NTRK3: variants seen among roughly 807,000 people sequenced by gnomAD.
NTRK3 encodes neurotrophic receptor tyrosine kinase 3.
A neutral mutation model predicts 91.7 loss-of-function variants in NTRK3; 24 were observed. The ratio of observed to expected loss-of-function variants is 0.26; its 90% CI spans 0.19 to 0.37. The LOEUF is 0.37. Ranked by LOEUF, NTRK3 falls within the 10% of genes least tolerant of loss-of-function variation. NTRK3 has a pLI of 1.00. For synonymous variants in NTRK3, 483 were observed against 404.0 expected (o/e 1.20, Z -2.34); for missense variants, 880 against 1,068.9 (o/e 0.82, Z 2.46).
chr15:87,877,611 G>T (rs1270463208), intron 18 of NTRK3, among the ~76,000 whole-genome samples: 1 of 151,724 alleles, frequency 6.6e-6, no homozygotes, highest in African/African-American at 2.4e-5. Context: ...CAGGCTCCCA[G>T]TTGCAGACTC....
At chr15:87,900,027 C>A (rs575655743) in intron 17 of NTRK3, among the ~76,000 whole-genome samples, 5 of 152,136 alleles carry the variant, frequency 3.3e-5, no homozygotes, top group Non-Finnish European at 5.9e-5. Context: ...AGGATGCTTG[C>A]TGCTGAGAGG....
At chr15:88,181,006 G>A (rs533117719) in intron 5 of NTRK3, among the ~76,000 whole-genome samples, 37 of 152,274 alleles carry the variant, frequency 2.4e-4, no homozygotes, top group Middle Eastern at 6.8e-3. Context: ...GCTCCTCTGG[G>A]CATCCCACTG....
At chr15:88,049,468 GGTGT>G (rs746937001) in intron 13 of NTRK3, among the ~76,000 whole-genome samples, 2 of 152,118 alleles carry the variant, frequency 1.3e-5, no homozygotes, top group African/African-American at 2.4e-5. Flanking sequence ...ACTTCAGAAT[GGTGT>G]GTGTGTTTAT....
chr15:88,255,796 C>A lies in NTRK3; in HGVS notation c.248+110G>T. 1.1e-6 allele frequency: 1 copy of A among 901,370 alleles called. No individual in the cohort carries two copies. Among genetic ancestry groups the A allele is most frequent in the Non-Finnish European group, 1.5e-6 (1 of 668,306 alleles). 55.8% of individuals were successfully genotyped at this position (901,370 alleles called of 1,614,324 possible). A position where few individuals can be genotyped will look rare whatever the true frequency, so the allele number is the denominator to read the frequency against. On this transcript the variant is annotated intron_variant, in intron 3 of 18. Transcript: ENST00000394480. The surrounding 1 kb of genome is among the most constrained non-coding windows in gnomAD (Gnocchi z 4.3). ...AGCCTGACGCGCGCCCAGCGGGCGGCGGGCAGCGGCGAGCTGGGGCGGGCG... is the reference window on the plus strand; with the variant it reads ...AGCCTGACGCGCGCCCAGCGGGCGGAGGGCAGCGGCGAGCTGGGGCGGGCG...
In NTRK3 at chr15:88,024,072, T is replaced by C. The variant is rs199994686; in HGVS notation, c.1585+8785A>G. Among the ~76,000 whole-genome samples the C allele has an allele frequency of 2.2e-4, 33 of 152,372 alleles. 1 individual carries two copies. In the East Asian group the frequency reaches 6.2e-3, roughly 28 times the overall value. ...CTGATGCACTGTTAATACTGCATTA[T>C]GCACACAGGCTCTGTGCTCCCCACC... On this transcript the variant is annotated intron_variant, in intron 14 of 18. Coordinates refer to ENST00000394480, the Ensembl canonical transcript of NTRK3.
intron 14 of NTRK3, among the ~76,000 whole-genome samples, chr15:87,974,274 G>A (rs1238527253): frequency 2.0e-5 from 3 of 152,196 alleles, no homozygotes; most frequent in Non-Finnish European, 4.4e-5. Flanking sequence ...GAGGTGGCTA[G>A]AGGTCAGATT....
intron 13 of NTRK3, among the ~76,000 whole-genome samples, chr15:88,035,383 C>A (rs925449742): frequency 6.6e-6 from 1 of 152,198 alleles, no homozygotes; most frequent in South Asian, 2.1e-4. Flanking sequence ...TGGGATGAAG[C>A]ATGAAGCTCA....
intron 13 of NTRK3, among the ~76,000 whole-genome samples, chr15:88,052,463 A>G (rs1045203413): frequency 2.0e-5 from 3 of 152,176 alleles, no homozygotes; most frequent in African/African-American, 7.2e-5. Context: ...GCACGCTATG[A>G]CTCTAACTCC....
chr15:87,995,410 C>A (rs777121618), intron 14 of NTRK3, among the ~76,000 whole-genome samples: 7 of 151,952 alleles, frequency 4.6e-5, no homozygotes, highest in Non-Finnish European at 5.9e-5. Context: ...TGCCATGAGG[C>A]CTAAAGGAGA....
intron 14 of NTRK3, among the ~76,000 whole-genome samples, chr15:87,947,256 A>G (rs2070647694): frequency 7.0e-6 from 1 of 143,048 alleles, no homozygotes; most frequent in Admixed American, 7.0e-5. Flanking sequence ...TGGTTACGTA[A>G]CTTGCCCAAG....
At chr15:88,172,642 G>A (rs34261406) in intron 5 of NTRK3, among the ~76,000 whole-genome samples, 1 of 152,326 alleles carries the variant, frequency 6.6e-6, no homozygotes, top group East Asian at 1.9e-4. Flanking sequence ...AGAGGTTAGG[G>A]TTTTCGACTA....
At chr15:87,969,697 C>G (rs1424637312) in intron 14 of NTRK3, among the ~76,000 whole-genome samples, 2 of 152,190 alleles carry the variant, frequency 1.3e-5, no homozygotes, top group Non-Finnish European at 2.9e-5. Flanking sequence ...CTCTCCCTCC[C>G]TAGCCAGCCC....
At chr15:87,878,494 A>G (rs1426270848) in intron 18 of NTRK3, among the ~76,000 whole-genome samples, 1 of 152,072 alleles carries the variant, frequency 6.6e-6, no homozygotes, top group African/African-American at 2.4e-5. Flanking sequence ...TTCCCCATTC[A>G]TATTAGAGAC....
chr15:87,996,668 C>T (rs773710804), intron 14 of NTRK3, among the ~76,000 whole-genome samples: 1 of 152,162 alleles, frequency 6.6e-6, no homozygotes, highest in African/African-American at 2.4e-5. Flanking sequence ...GAATTAGAAA[C>T]CTCATGCCCT....
chr15:88,204,547 C>T (rs891724144), intron 3 of NTRK3, among the ~76,000 whole-genome samples: 1 of 152,174 alleles, frequency 6.6e-6, no homozygotes, highest in African/African-American at 2.4e-5. Context: ...CTCCTTCCAG[C>T]CTTATCACAG....
chr15:88,079,850 T>C lies in NTRK3; in HGVS notation c.1396+46421A>G, dbSNP rs1353116854. 2.0e-5 allele frequency among the ~76,000 whole-genome samples: 3 copies of C among 152,170 alleles called. No homozygotes were observed. In the East Asian group the frequency reaches 5.8e-4, roughly 29 times the overall value. On this transcript the variant is annotated intron_variant, in intron 13 of 18. Coordinates refer to ENST00000394480, the Ensembl canonical transcript of NTRK3. ...AGAAAATAAAAATAAAAATCACCCA[T>C]CATCTCCAAACCTAGAAATAACCCC... is the stretch of plus-strand genomic sequence containing the variant.
chr15:87,909,905 T>C (rs2141725796), intron 17 of NTRK3, among the ~76,000 whole-genome samples: 1 of 152,320 alleles, frequency 6.6e-6, no homozygotes, highest in African/African-American at 2.4e-5. Context: ...ACCTTGGTCT[T>C]GAACTTCCAG....
intron 13 of NTRK3, among the ~76,000 whole-genome samples, chr15:88,124,834 C>T (rs745371754): frequency 2.3e-4 from 35 of 152,328 alleles, no homozygotes; most frequent in African/African-American, 7.7e-4. Flanking sequence ...TTATAATTTG[C>T]CTGCACATGT....
At chr15:87,988,678 C>G (rs2075046053) in intron 14 of NTRK3, among the ~76,000 whole-genome samples, 1 of 152,002 alleles carries the variant, frequency 6.6e-6, no homozygotes, top group Non-Finnish European at 1.5e-5. Context: ...GTTTATTGAT[C>G]CTATATTAGC....
Sources: gnomAD v4.1 joint callset for allele counts (sites outside exome capture counted in the v4.1 genomes callset) on GRCh38, gnomAD v4.1.1 for gene constraint, Gnocchi (gnomAD v3.1) non-coding constraint, MANE v1.5 for transcripts, NCBI Gene and HGNC (gene_info 2026-07-23, HGNC 2026-07-21) for gene names.